Variants in PDE11A observed in about 807,000 individuals in gnomAD.
The protein encoded by PDE11A is phosphodiesterase 11A.
A neutral mutation model predicts 100.5 loss-of-function variants in PDE11A; 100 were observed. The ratio of observed to expected loss-of-function variants is 1.00; its 90% CI spans 0.85 to 1.18. PDE11A has a LOEUF of 1.18. PDE11A is among the 50% of genes most tolerant of loss of function. PDE11A has a pLI of 0.00. For synonymous variants in PDE11A, 381 were observed against 420.8 expected (o/e 0.91, Z 1.16); for missense variants, 1,141 against 1,152.6 (o/e 0.99, Z 0.15).
chr2:178,009,068 G>A (rs917752315), intron 2 of PDE11A, among the ~76,000 whole-genome samples: 5 of 152,182 alleles, frequency 3.3e-5, no homozygotes, highest in African/African-American at 1.2e-4. Flanking sequence ...ATAGGAACCT[G>A]GGAAGGCAGA....
Position 177,856,387 on chromosome 2 carries a change from C to T in PDE11A, c.1368-16004G>A, listed in dbSNP as rs934289391. ...CAGTTTTCAATAAAAATTTATAAGA[C>T]GTGCAAAGATACAGTAAAGGATACT... On this transcript the variant is annotated intron_variant, in intron 5 of 19. Transcript: ENST00000286063. Among the ~76,000 whole-genome samples the T allele has an allele frequency of 2.0e-4, 30 of 151,920 alleles. 2 individuals carry two copies. The South Asian group carries it at 2.7e-3, about 14-fold the overall frequency.
intron 5 of PDE11A, among the ~76,000 whole-genome samples, chr2:177,861,210 C>T (rs1254780353): frequency 6.6e-6 from 1 of 151,640 alleles, no homozygotes; most frequent in Non-Finnish European, 1.5e-5. Flanking sequence ...TCAGAAAAAA[C>T]TATTATAATA....
chr2:177,665,895 T>C (rs2080571057), intron 18 of PDE11A, among the ~76,000 whole-genome samples: 1 of 152,164 alleles, frequency 6.6e-6, no homozygotes, highest in African/African-American at 2.4e-5. Context: ...CTTTTCTCTA[T>C]AGTTCTGTCT....
chr2:178,095,501 C>G (rs2087477822), intron 2 of PDE11A, among the ~76,000 whole-genome samples: 1 of 152,200 alleles, frequency 6.6e-6, no homozygotes, highest in Non-Finnish European at 1.5e-5. Flanking sequence ...CACAGGCTGG[C>G]ATTGAGTGTC....
chr2:177,993,198 G>T lies in PDE11A; in HGVS notation c.1071+21104C>A, dbSNP rs559930382. On this transcript the variant is annotated intron_variant, in intron 2 of 19. Transcript: ENST00000286063. ...TGCCCACAGGCAGCCAAACATCTGC[G>T]TGGTAGAGAGTAGGGCTAGGGGACA... is the stretch of plus-strand genomic sequence containing the variant. 3.9e-5 allele frequency among the ~76,000 whole-genome samples: 6 copies of T among 152,288 alleles called. No homozygotes were observed. In the East Asian group the frequency reaches 1.2e-3, roughly 29 times the overall value.
At position 177,743,693 on chromosome 2, in the gene PDE11A, G is replaced by C. The variant is rs146026057; in HGVS notation, c.1789-15521C>G. Among the ~76,000 whole-genome samples, 496 of 152,326 alleles carry C rather than the reference G, an allele frequency of 3.3e-3. 5 individuals are homozygous for C. The East Asian group carries it at 0.048, about 15-fold the overall frequency. On this transcript the variant is annotated intron_variant, in intron 10 of 19. Transcript: ENST00000286063. ...TGAATTCACACCCTTATAAGGCTTA[G>C]AGAGTTAACTAACTTGCTGGTAAGA...
In PDE11A at chr2:177,628,766, T is replaced by C. The variant is rs1359656170; in HGVS notation, c.*641A>G. Reference sequence around the variant, plus strand: ...AGGGTACCATAGTCCCAGTCTAGAATTACCCATCAAACACATTTGCTATAG... The same window carrying C: ...AGGGTACCATAGTCCCAGTCTAGAACTACCCATCAAACACATTTGCTATAG... On this transcript the variant is annotated 3_prime_UTR_variant, in exon 20 of 20. Coordinates refer to ENST00000286063, the MANE Select transcript of PDE11A (RefSeq NM_016953.4). The C allele has an allele frequency of 6.5e-6, 1 of 152,754 alleles. No homozygotes were observed. The highest frequency in any genetic ancestry group is 6.5e-5 in the Admixed American group (1 of 15,348). The allele number at this position is 152,754 out of a possible 1,614,324, so 9.5% of individuals were successfully genotyped here. A position where few individuals can be genotyped will look rare whatever the true frequency, so the allele number is the denominator to read the frequency against.
chr2:178,090,954 C>T (rs1463741889), intron 2 of PDE11A, among the ~76,000 whole-genome samples: 1 of 152,224 alleles, frequency 6.6e-6, no homozygotes, highest in African/African-American at 2.4e-5. Flanking sequence ...TAAGAGTAAG[C>T]CTGGGCACTT....
chr2:177,792,712 T>C (rs1320485354), intron 9 of PDE11A, among the ~76,000 whole-genome samples: 2 of 152,188 alleles, frequency 1.3e-5, no homozygotes, highest in Non-Finnish European at 2.9e-5. Context: ...TTCCAATCTG[T>C]CTGGACCAAG....
chr2:177,665,856 CA>C (rs3056853), intron 18 of PDE11A, among the ~76,000 whole-genome samples: 2,708 of 137,246 alleles, frequency 0.02, 38 homozygotes, highest in Middle Eastern at 0.048. Context: ...GACTCCATCT[CA>C]AAAAAAAAAA....
intron 6 of PDE11A, among the ~76,000 whole-genome samples, chr2:177,838,936 T>C (rs1438876487): frequency 1.3e-5 from 2 of 152,120 alleles, no homozygotes; most frequent in Non-Finnish European, 2.9e-5. Context: ...AGTGTTAGGA[T>C]AGCCAAGGGA....
At position 177,679,434 on chromosome 2, in the gene PDE11A, T is replaced by A. The variant is rs2080827893; in HGVS notation, c.2423+1392A>T. Among the ~76,000 whole-genome samples the A allele has an allele frequency of 2.0e-5, 3 of 152,172 alleles. 1 individual carries two copies. The South Asian group carries it at 6.2e-4, about 32-fold the overall frequency. ...ACAGTATTTTTCCTAAGGGTGCATG[T>A]GTATGTAAATGCTTTGGAAATGGTC... is the stretch of plus-strand genomic sequence containing the variant. On this transcript the variant is annotated intron_variant, in intron 16 of 19. Transcript: ENST00000286063.
intron 2 of PDE11A, among the ~76,000 whole-genome samples, chr2:178,083,287 C>T (rs764283866): frequency 3.2e-4 from 49 of 151,990 alleles, no homozygotes; most frequent in Non-Finnish European, 6.2e-4. Context: ...TTTATAGAAA[C>T]GGGGTTTCAC....
chr2:177,733,173 C>G (rs550822335), intron 10 of PDE11A, among the ~76,000 whole-genome samples: 1 of 152,336 alleles, frequency 6.6e-6, no homozygotes, highest in Admixed American at 6.5e-5. Context: ...AAATGTCAGT[C>G]TTCAACTTTT....
rs576132176 is a variant in PDE11A at position 177,851,515 on chromosome 2, C to T, written c.1368-11132G>A. 1.1e-3 allele frequency among the ~76,000 whole-genome samples: 172 copies of T among 152,156 alleles called. 1 individual carries two copies. The highest frequency in any genetic ancestry group is 3.4e-3 in the Middle Eastern group (1 of 294). ...CAAACCTGCACGTTGTGCACATGTACCCTAGAACTTAAAGTATAATAATAA... is the reference window on the plus strand; with the variant it reads ...CAAACCTGCACGTTGTGCACATGTATCCTAGAACTTAAAGTATAATAATAA... On this transcript the variant is annotated intron_variant, in intron 5 of 19. Transcript: ENST00000286063.
intron 4 of PDE11A, among the ~76,000 whole-genome samples, chr2:177,890,625 C>A (rs2084515182): frequency 1.3e-5 from 2 of 152,108 alleles, no homozygotes; most frequent in South Asian, 2.1e-4. Context: ...TGTCCTGGGT[C>A]CAGATTGGTC....
chr2:177,740,767 G>T (rs987964149), intron 10 of PDE11A, among the ~76,000 whole-genome samples: 11 of 152,168 alleles, frequency 7.2e-5, no homozygotes, highest in Middle Eastern at 3.2e-3. Flanking sequence ...ATTTATTTTT[G>T]TGGTCTTGTG....
chr2:177,871,135 C>T (rs1253973200), intron 5 of PDE11A, among the ~76,000 whole-genome samples: 1 of 152,140 alleles, frequency 6.6e-6, no homozygotes, highest in Non-Finnish European at 1.5e-5. Context: ...TGTCCTCCAC[C>T]TTTTCTTTTG....
chr2:177,801,154 T>C (rs1039510889), intron 9 of PDE11A, among the ~76,000 whole-genome samples: 3 of 152,242 alleles, frequency 2.0e-5, no homozygotes, highest in African/African-American at 7.2e-5. Flanking sequence ...TGAGTTAACA[T>C]AGTTCAACTG....
Sources: allele counts gnomAD v4.1 joint callset (sites outside exome capture counted in the v4.1 genomes callset), GRCh38; gene constraint gnomAD v4.1.1; transcripts MANE v1.5; gene names NCBI Gene and HGNC (gene_info 2026-07-23, HGNC 2026-07-21).